The following DGKI variants were observed in gnomAD, a reference collection of about 807,000 sequenced individuals.
DGKI encodes DAG kinase iota.
A neutral mutation model predicts 147.5 loss-of-function variants in DGKI; 55 were observed. That is an observed-to-expected ratio of 0.37 (90% CI 0.30 to 0.47). The LOEUF (loss-of-function observed/expected upper bound fraction) is 0.47. Among genes scored for constraint, DGKI ranks in the 20% least tolerant of loss-of-function variants. DGKI has a pLI of 1.00. For synonymous variants in DGKI, 469 were observed against 477.1 expected (o/e 0.98, Z 0.22); for missense variants, 1,007 against 1,323.8 (o/e 0.76, Z 3.71).
At chr7:137,572,302 G>A (rs1235671334) in intron 18 of DGKI, among the ~76,000 whole-genome samples, 1 of 152,066 alleles carries the variant, frequency 6.6e-6, no homozygotes, top group African/African-American at 2.4e-5. Context: ...TGACATCCTG[G>A]CTAGAAAACA....
chr7:137,463,696 C>A, intron 26 of DGKI, 85 bp from the exon 27 acceptor site: 1 of 1,521,830 alleles, frequency 6.6e-7, no homozygotes, highest in South Asian at 1.2e-5. Flanking sequence ...TGAATCTTGC[C>A]AGTAAATGTG....
rs1811344108 is a variant in DGKI, at chr7:137,391,102, T to G, written c.*118A>C. ...GCTAGTGGCATGGTCTCAGGTAGAT[T>G]CTTGCAGGAGAGAGACAGATATATG... On this transcript the variant is annotated 3_prime_UTR_variant, in exon 33 of 33. Coordinates refer to ENST00000614521, the MANE Select transcript of DGKI (RefSeq NM_001321708.2). The G allele has an allele frequency of 1.2e-6, 1 of 829,334 alleles. No homozygotes were observed. Among genetic ancestry groups the G allele is most frequent in the Admixed American group, 1.8e-5 (1 of 56,852 alleles). The allele number at this position is 829,334 out of a possible 1,614,324, so 51.4% of individuals were successfully genotyped here. A position where few individuals can be genotyped will look rare whatever the true frequency, so the allele number is the denominator to read the frequency against.
chr7:137,545,831 A>G, intron 20 of DGKI: 1 of 666,420 alleles, frequency 1.5e-6, no homozygotes, highest in Non-Finnish European at 2.8e-6. Flanking sequence ...GGCAAGGGAC[A>G]CAGGTAGTCC....
intron 1 of DGKI, among the ~76,000 whole-genome samples, chr7:137,749,795 A>G (rs1795443806): frequency 1.3e-5 from 2 of 152,068 alleles, no homozygotes; most frequent in Non-Finnish European, 1.5e-5. Flanking sequence ...TCTTCTTCCA[A>G]TCACATCCCT....
intron 8 of DGKI, among the ~76,000 whole-genome samples, chr7:137,612,485 G>C (rs968578296): frequency 6.6e-6 from 1 of 151,890 alleles, no homozygotes; most frequent in African/African-American, 2.4e-5. Flanking sequence ...TTCTATTTTT[G>C]TATAAATACA....
chr7:137,624,560 T>C (rs2128999085), intron 6 of DGKI, among the ~76,000 whole-genome samples: 1 of 152,242 alleles, frequency 6.6e-6, no homozygotes, highest in South Asian at 2.1e-4. Context: ...CTGCAGTACT[T>C]TATATACTAC....
intron 20 of DGKI, among the ~76,000 whole-genome samples, chr7:137,529,870 CTCCTGAGTAGCT>C (rs1817281366): frequency 2.6e-5 from 4 of 152,166 alleles, no homozygotes; most frequent in Admixed American, 1.3e-4. Flanking sequence ...CTGCCTCAGC[CTCCTGAGTAGCT>C]TGGATTACAG....
At chr7:137,589,444 T>A (rs1306745000) in intron 12 of DGKI, among the ~76,000 whole-genome samples, 1 of 152,190 alleles carries the variant, frequency 6.6e-6, no homozygotes, top group African/African-American at 2.4e-5. Flanking sequence ...GGGAACTTAC[T>A]CCCAGACAGA....
rs1208979456 is a variant in DGKI at position 137,383,724 on chromosome 7, C to G, written c.*7496G>C. 1.3e-5 allele frequency: 2 copies of G among 151,962 alleles called. No homozygotes were observed. The highest frequency in any genetic ancestry group is 1.9e-4 in the East Asian group (1 of 5,198). The allele number at this position is 151,962 out of a possible 1,614,324, so 9.4% of individuals were successfully genotyped here. A position where few individuals can be genotyped will look rare whatever the true frequency, so the allele number is the denominator to read the frequency against. On this transcript the variant is annotated 3_prime_UTR_variant, in exon 33 of 33. Transcript: ENST00000614521. ...ATCCTTATAAGTAATAAAGCTAACT[C>G]CTTTTCATGTGTTACTGCTCTTTTC...
intron 1 of DGKI, among the ~76,000 whole-genome samples, chr7:137,835,410 T>C (rs1798346892): frequency 6.6e-6 from 1 of 152,194 alleles, no homozygotes; most frequent in Admixed American, 6.5e-5. Context: ...TAAAAATCAC[T>C]GAGCTACAGA....
chr7:137,688,254 A>T (rs1003503361), intron 2 of DGKI, among the ~76,000 whole-genome samples: 11 of 152,178 alleles, frequency 7.2e-5, no homozygotes, highest in Admixed American at 2.0e-4. Context: ...TCACCTCAGA[A>T]TCCCAAGTAA....
At chr7:137,436,026 C>T (rs1226432080) in intron 28 of DGKI, among the ~76,000 whole-genome samples, 1 of 152,150 alleles carries the variant, frequency 6.6e-6, no homozygotes, top group Non-Finnish European at 1.5e-5. Flanking sequence ...GTGATCGCCT[C>T]GGCCTCCCAA....
chr7:137,585,182 T>G (rs1436527571), intron 14 of DGKI, 27 bp downstream of exon 14: 3 of 1,613,658 alleles, frequency 1.9e-6, no homozygotes, highest in Non-Finnish European at 2.5e-6. Flanking sequence ...CCAGGGCTCC[T>G]TTCTGCAGAA....
At chr7:137,759,579 T>TGATCTGCCCGCCTCAGCC (rs1448390482) in intron 1 of DGKI, among the ~76,000 whole-genome samples, 1 of 152,040 alleles carries the variant, frequency 6.6e-6, no homozygotes, top group East Asian at 1.9e-4. Context: ...TGACCTCAGG[T>TGATCTGCCCGCCTCAGCC]GATCTGCCCG....
At chr7:137,686,268 C>T (rs1323323273) in intron 2 of DGKI, among the ~76,000 whole-genome samples, 2 of 152,172 alleles carry the variant, frequency 1.3e-5, no homozygotes, top group African/African-American at 4.8e-5. Flanking sequence ...GCTTGGCAGA[C>T]AGCAAAAGAG....
intron 21 of DGKI, among the ~76,000 whole-genome samples, chr7:137,501,344 T>C (rs1351978462): frequency 6.6e-6 from 1 of 152,186 alleles, no homozygotes; most frequent in Non-Finnish European, 1.5e-5. Flanking sequence ...TTCAAATATC[T>C]CTTCCATATA....
At position 137,675,959 on chromosome 7, in the gene DGKI, C is replaced by A. The variant is rs1823023384; in HGVS notation, c.606+2598G>T. On this transcript the variant is annotated intron_variant, in intron 3 of 32. Transcript: ENST00000614521. Reference sequence around the variant, plus strand: ...TTCGCTCCTAATACTCAGCTGTAGCCCATGTAACCTAACATTTCTTTACAA... The same window carrying A: ...TTCGCTCCTAATACTCAGCTGTAGCACATGTAACCTAACATTTCTTTACAA... Among the ~76,000 whole-genome samples, 3 of 152,140 alleles carry A rather than the reference C, an allele frequency of 2.0e-5. No homozygotes were observed. In the South Asian group the frequency reaches 6.2e-4, roughly 32 times the overall value.
chr7:137,679,540 G>A (rs1472759261), intron 2 of DGKI, among the ~76,000 whole-genome samples: 1 of 151,954 alleles, frequency 6.6e-6, no homozygotes, highest in African/African-American at 2.4e-5. Context: ...AGCTGTTAGG[G>A]AAAGTATTGT....
chr7:137,542,443 A>C (rs111519057), intron 20 of DGKI, among the ~76,000 whole-genome samples: 1 of 152,314 alleles, frequency 6.6e-6, no homozygotes, highest in Non-Finnish European at 1.5e-5. Flanking sequence ...AAAAGGAACA[A>C]ATAAATGATA....
Sources: gnomAD v4.1 joint callset for allele counts (sites outside exome capture counted in the v4.1 genomes callset) on GRCh38, gnomAD v4.1.1 for gene constraint, MANE v1.5 for transcripts, NCBI Gene and HGNC (gene_info 2026-07-23, HGNC 2026-07-21) for gene names.